Variants in NRIP3 observed in about 807,000 individuals in gnomAD.
The protein encoded by NRIP3 is nuclear receptor interacting protein 3.
A neutral mutation model predicts 29.0 loss-of-function variants in NRIP3; 31 were observed. That is an observed-to-expected ratio of 1.07 (90% CI 0.80 to 1.44). The LOEUF (loss-of-function observed/expected upper bound fraction) is 1.44. Ranked by LOEUF, NRIP3 falls within the 40% of genes most tolerant of loss-of-function variation. The pLI, the probability that NRIP3 is intolerant of heterozygous loss-of-function variation, is 0.00. For synonymous variants in NRIP3, 131 were observed against 118.3 expected (o/e 1.11, Z -0.70); for missense variants, 314 against 297.9 (o/e 1.05, Z -0.40).
At chr11:8,993,918 G>T (rs1183759518) in intron 1 of NRIP3, among the ~76,000 whole-genome samples, 1 of 151,302 alleles carries the variant, frequency 6.6e-6, no homozygotes, top group Non-Finnish European at 1.5e-5. Flanking sequence ...CCTAACACAA[G>T]CAACAGCTTT....
chr11:8,984,258 T>A (rs1353932732), intron 4 of NRIP3, 134 bp from the exon 5 acceptor site: 1 of 374,748 alleles, frequency 2.7e-6, no homozygotes, highest in African/African-American at 3.0e-5. Flanking sequence ...GTTATTTTTT[T>A]TTTATTTTTT....
At chr11:8,992,756 A>C (rs1405590116) in intron 1 of NRIP3, among the ~76,000 whole-genome samples, 2 of 152,096 alleles carry the variant, frequency 1.3e-5, no homozygotes, top group Non-Finnish European at 2.9e-5. Flanking sequence ...TCTACTAAAA[A>C]TACAAAAATT....
In NRIP3 at chr11:9,003,876, C is replaced by A; in HGVS notation, c.60G>T (p.Ala20=). The stretch of plus-strand genomic sequence containing the variant: ...TCCGGCGCTGCTGTCGCAGTGACGC[C>A]GCCTCCCGCATGTCGGTCTCCTTGC... ...GGRKETDMRE[A]ASLRQQRRMK... is the part of the protein sequence containing the mutation. Residue 20 remains alanine (A), a synonymous_variant, in exon 1 of 7, where the codon GCG becomes GCT. Coordinates refer to ENST00000309166, the MANE Select transcript of NRIP3 (RefSeq NM_020645.3). The A allele has an allele frequency of 6.6e-7, 1 of 1,522,212 alleles. No homozygotes were observed. Among genetic ancestry groups the A allele is most frequent in the East Asian group, 2.7e-5 (1 of 36,392 alleles). 94.3% of individuals were successfully genotyped at this position (1,522,212 alleles called of 1,614,324 possible).
chr11:8,983,622 G>C, intron 6 of NRIP3, 62 bp from the exon 7 acceptor site: 1 of 1,541,636 alleles, frequency 6.5e-7, no homozygotes, highest in African/African-American at 1.4e-5. Flanking sequence ...TAAGCTGAAG[G>C]CAAGTAAAAT....
At position 8,981,221 on chromosome 11, in the gene NRIP3, G is replaced by A. The variant is rs923936502; in HGVS notation, c.*2324C>T. The A allele has an allele frequency of 8.5e-5, 13 of 152,538 alleles. No individual in the cohort carries two copies. Among genetic ancestry groups the A allele is most frequent in the African/African-American group, 2.9e-4 (12 of 41,582 alleles). The allele number at this position is 152,538 out of a possible 1,614,324, so 9.4% of individuals were successfully genotyped here. A position where few individuals can be genotyped will look rare whatever the true frequency, so the allele number is the denominator to read the frequency against. On this transcript the variant is annotated 3_prime_UTR_variant, in exon 7 of 7. Transcript: ENST00000309166. ...GCGGTGGCTCACGCCTGTAATCCCA[G>A]CACTTTGGGAGGCTGAGGTGGGCGG... is the stretch of plus-strand genomic sequence containing the variant.
At chr11:8,986,355 T>G (rs1854523083) in intron 3 of NRIP3, among the ~76,000 whole-genome samples, 1 of 152,236 alleles carries the variant, frequency 6.6e-6, no homozygotes, top group African/African-American at 2.4e-5. Context: ...GTAAGTGCAC[T>G]GATATTCATA....
chr11:8,983,229 C>T lies in NRIP3; in HGVS notation c.*316G>A. 1 of 471,348 alleles carries T rather than the reference C, an allele frequency of 2.1e-6. No homozygotes were observed. Among genetic ancestry groups the T allele is most frequent in the South Asian group, 2.5e-5 (1 of 40,740 alleles). The allele number at this position is 471,348 out of a possible 1,614,324, so 29.2% of individuals were successfully genotyped here. ...CTATGGAGACACAGAACCTGGCAGC[C>T]CCTATACTTGACTAATAAAAGCAAA... On this transcript the variant is annotated 3_prime_UTR_variant, in exon 7 of 7. Transcript: ENST00000309166.
intron 6 of NRIP3, 112 bp from the exon 7 acceptor site, chr11:8,983,672 G>C: frequency 9.8e-7 from 1 of 1,024,304 alleles, no homozygotes; most frequent in Non-Finnish European, 1.5e-6. Flanking sequence ...CACTCTGTGT[G>C]GCATCACCAT....
chr11:8,990,284 A>G (rs1442201308), intron 1 of NRIP3, among the ~76,000 whole-genome samples: 1 of 152,106 alleles, frequency 6.6e-6, no homozygotes, highest in Non-Finnish European at 1.5e-5. Context: ...CTGATATCCC[A>G]TATTTTCTTC....
intron 2 of NRIP3, 72 bp downstream of exon 2, chr11:8,988,046 T>C (rs1589959930): frequency 2.1e-6 from 3 of 1,450,812 alleles, no homozygotes; most frequent in South Asian, 1.2e-5. Flanking sequence ...CCACACTCTA[T>C]AAAGTCAGGA....
intron 1 of NRIP3, among the ~76,000 whole-genome samples, chr11:8,994,293 G>GT (rs1347526405): frequency 6.6e-6 from 1 of 152,200 alleles, no homozygotes; most frequent in Non-Finnish European, 1.5e-5. Context: ...TCCTTCAGCA[G>GT]TTTTTTGCCC....
Position 8,983,027 on chromosome 11 carries a change from G to A in NRIP3, c.*518C>T, listed in dbSNP as rs888533203. 2.2e-6 allele frequency: 1 copy of A among 456,564 alleles called. No individual in the cohort carries two copies. The highest frequency in any genetic ancestry group is 4.4e-6 in the Non-Finnish European group (1 of 227,046). 28.3% of individuals were successfully genotyped at this position (456,564 alleles called of 1,614,324 possible). A position where few individuals can be genotyped will look rare whatever the true frequency, so the allele number is the denominator to read the frequency against. On this transcript the variant is annotated 3_prime_UTR_variant, in exon 7 of 7. Coordinates refer to ENST00000309166, the MANE Select transcript of NRIP3 (RefSeq NM_020645.3). ...TAAATGAAAGAGTTAAACTGTAATG[G>A]ATAATGTCCCTGGGCTCTTTCACAT...
intron 1 of NRIP3, among the ~76,000 whole-genome samples, chr11:8,993,644 AC>A (rs1364234404): frequency 6.6e-6 from 1 of 152,028 alleles, no homozygotes; most frequent in Non-Finnish European, 1.5e-5. Context: ...TTCTGCCTCT[AC>A]AAAAAATACA....
At chr11:8,989,914 G>T (rs576697799) in intron 1 of NRIP3, among the ~76,000 whole-genome samples, 1 of 152,310 alleles carries the variant, frequency 6.6e-6, no homozygotes, top group South Asian at 2.1e-4. Context: ...GAGTTTCAAA[G>T]ACCACCTAAA....
chr11:8,991,852 A>G (rs1011583198), intron 1 of NRIP3, among the ~76,000 whole-genome samples: 1 of 152,236 alleles, frequency 6.6e-6, no homozygotes. Flanking sequence ...TGGAAGTGAC[A>G]TGCACCATTT....
At position 8,983,564 on chromosome 11, in the gene NRIP3, A is replaced by G; in HGVS notation, c.711-4T>C. 6.2e-7 allele frequency: 1 copy of G among 1,613,462 alleles called. No individual in the cohort carries two copies. The highest frequency in any genetic ancestry group is 1.1e-5 in the South Asian group (1 of 91,034). On this transcript the variant is annotated splice_region_variant and splice_polypyrimidine_tract_variant and intron_variant, in intron 6 of 6. Transcript: ENST00000309166. ...CTGTAGTTATGCTTCTGAAGTGCTG[A>G]AATGAGAAATAAATATCAGGAGAAA...
intron 1 of NRIP3, among the ~76,000 whole-genome samples, chr11:8,992,244 G>C (rs1467867730): frequency 1.3e-5 from 2 of 152,174 alleles, no homozygotes; most frequent in Admixed American, 1.3e-4. Flanking sequence ...ACTTGATCTG[G>C]AGAACTGAGG....
At chr11:8,997,080 A>G (rs887551258) in intron 1 of NRIP3, among the ~76,000 whole-genome samples, 6 of 152,070 alleles carry the variant, frequency 3.9e-5, no homozygotes, top group Admixed American at 6.5e-5. Context: ...TCTGTCTCAA[A>G]AAAAGAAAAA....
rs1854539099 is a variant in NRIP3 at position 8,987,632 on chromosome 11, T to C, written c.340-2A>G. The C allele has an allele frequency of 6.2e-7, 1 of 1,611,474 alleles. No individual in the cohort carries two copies. Among genetic ancestry groups the C allele is most frequent in the Admixed American group, 1.7e-5 (1 of 59,986 alleles). On this transcript the variant is annotated splice_acceptor_variant, in intron 2 of 6. Coordinates refer to ENST00000309166, the MANE Select transcript of NRIP3 (RefSeq NM_020645.3). LOFTEE classifies it high-confidence loss of function. ...GGCTTTCACATCCTTTCCAGCACAC[T>C]GTGGGGAGGAAATGTACTGTTCAAT...
Sources: allele counts gnomAD v4.1 joint callset (sites outside exome capture counted in the v4.1 genomes callset), GRCh38; gene constraint gnomAD v4.1.1; transcripts MANE v1.5; gene names NCBI Gene and HGNC (gene_info 2026-07-23, HGNC 2026-07-21).